MYBPC1: variants seen among roughly 807,000 people sequenced by gnomAD.
The protein encoded by MYBPC1 is myosin binding protein C1, also known as myosin-binding protein C, slow-type.
Under a neutral mutation model 147.1 loss-of-function variants are expected in MYBPC1, and 52 were observed. The observed-to-expected ratio is 0.35, with a 90% confidence interval of 0.28 to 0.45. MYBPC1 has a LOEUF of 0.45. Among genes scored for constraint, MYBPC1 ranks in the 20% least tolerant of loss-of-function variants. The pLI is 1.00. For missense variants in MYBPC1, 1,228 were observed against 1,440.3 expected (o/e 0.85, Z 2.39); for synonymous variants, 477 against 475.9 (o/e 1.00, Z -0.03).
chr12:101,634,803 T>C (rs1333173032), intron 9 of MYBPC1, among the ~76,000 whole-genome samples, 198 bp downstream of exon 9: 1 of 152,240 alleles, frequency 6.6e-6, no homozygotes, highest in Admixed American at 6.5e-5. Flanking sequence ...TGACCATTTT[T>C]TAGAATGTTC....
At chr12:101,595,410 G>T (rs1229331237) in intron 1 of MYBPC1, among the ~76,000 whole-genome samples, 1 of 152,062 alleles carries the variant, frequency 6.6e-6, no homozygotes, top group South Asian at 2.1e-4. Flanking sequence ...AACAGATTAC[G>T]TTTTCAAGCA....
chr12:101,670,523 G>A, intron 24 of MYBPC1, 114 bp downstream of exon 24: 1 of 902,676 alleles, frequency 1.1e-6, no homozygotes, highest in Non-Finnish European at 1.9e-6. Flanking sequence ...CTCAGAGGGA[G>A]AGGAGGTAAA....
At chr12:101,596,870 G>A (rs1877451370) in intron 1 of MYBPC1, among the ~76,000 whole-genome samples, 1 of 152,100 alleles carries the variant, frequency 6.6e-6, no homozygotes, top group South Asian at 2.1e-4. Context: ...TTCTGTGTAG[G>A]AGTTCCTCCA....
intron 2 of MYBPC1, among the ~76,000 whole-genome samples, chr12:101,615,288 A>G (rs779907095): frequency 4.9e-4 from 74 of 152,314 alleles, no homozygotes; most frequent in Non-Finnish European, 7.6e-4. Flanking sequence ...TATCAGCCAA[A>G]TAGCCCCAAG....
intron 3 of MYBPC1, among the ~76,000 whole-genome samples, chr12:101,619,211 C>T (rs775120866): frequency 7.9e-5 from 12 of 152,078 alleles, no homozygotes; most frequent in Non-Finnish European, 1.6e-4. Flanking sequence ...TCCCTCCCTC[C>T]TCCAACTGTC....
chr12:101,603,345 CAA>C (rs111935505), intron 1 of MYBPC1, among the ~76,000 whole-genome samples: 9 of 127,870 alleles, frequency 7.0e-5, no homozygotes, highest in Non-Finnish European at 5.1e-5. Context: ...AACTCCGTCT[CAA>C]AAAAAAAAAA....
intron 22 of MYBPC1, 71 bp from the exon 23 acceptor site, chr12:101,667,661 G>A (rs995091403): frequency 1.3e-6 from 2 of 1,559,214 alleles, no homozygotes; most frequent in Non-Finnish European, 1.8e-6. Context: ...GGAGTTGACT[G>A]TAATGGTTAA....
Position 101,633,520 on chromosome 12 carries a change from C to G in MYBPC1, c.557-1034C>G, listed in dbSNP as rs545451691. On this transcript the variant is annotated intron_variant, in intron 8 of 31. Transcript: ENST00000361466. ...TGGCCAACATGGTGAAACCCCGTCT[C>G]TACTAGAAATACAAAAATTAGCCAG... 5.3e-5 allele frequency among the ~76,000 whole-genome samples: 8 copies of G among 151,996 alleles called. No individual in the cohort carries two copies. The South Asian group carries it at 1.7e-3, about 32-fold the overall frequency.
chr12:101,654,215 T>G (rs370310468), intron 18 of MYBPC1, among the ~76,000 whole-genome samples: 10 of 152,084 alleles, frequency 6.6e-5, no homozygotes, highest in African/African-American at 2.2e-4. Flanking sequence ...CAAAACAAAT[T>G]TTTTTAATGT....
chr12:101,631,834 G>A, intron 7 of MYBPC1, 115 bp downstream of exon 7: 1 of 1,500,496 alleles, frequency 6.7e-7, no homozygotes, highest in Non-Finnish European at 9.2e-7. Flanking sequence ...ATCCTCTGAA[G>A]TTACCATTGC....
At chr12:101,602,919 T>C (rs903079582) in intron 1 of MYBPC1, among the ~76,000 whole-genome samples, 4 of 152,196 alleles carry the variant, frequency 2.6e-5, no homozygotes, top group Non-Finnish European at 5.9e-5. Context: ...GTGATAACGG[T>C]TGGGTTGTTT....
intron 28 of MYBPC1, among the ~76,000 whole-genome samples, chr12:101,678,661 A>G (rs1900645701): frequency 6.6e-6 from 1 of 152,250 alleles, no homozygotes; most frequent in Non-Finnish European, 1.5e-5. Context: ...TGCTTTGATA[A>G]GGGTACAGTG....
intron 1 of MYBPC1, among the ~76,000 whole-genome samples, chr12:101,599,727 G>T (rs1352946021): frequency 6.6e-6 from 1 of 152,262 alleles, no homozygotes; most frequent in African/African-American, 2.4e-5. Context: ...AAGGGCAATT[G>T]TTTCCCTTTT....
rs76149395 is a variant in MYBPC1, at chr12:101,652,818, G to A, written c.1633+34G>A. The A allele has an allele frequency of 1.3e-3, 2,003 of 1,524,832 alleles. 28 individuals are homozygous for A. In the African/African-American group the frequency reaches 0.024, roughly 18 times the overall value. 94.5% of individuals were successfully genotyped at this position (1,524,832 alleles called of 1,614,324 possible). On this transcript the variant is annotated intron_variant, in intron 17 of 31. Coordinates refer to ENST00000361466, the MANE Select transcript of MYBPC1 (RefSeq NM_002465.4). ...ATAAAATAATTCATTGCATAGTTGT[G>A]TTCTTTTTTGTTTGCTTTTGCTTAC...
In MYBPC1 at chr12:101,609,299, A is replaced by T. The variant is rs190365839; in HGVS notation, c.26-5197A>T. On this transcript the variant is annotated intron_variant, in intron 1 of 31. Transcript: ENST00000361466. ...TTTTTAGTTTTAAAATTAAAAAAAA[A>T]TTTTTTTCTGGAGATGGGGTCTTGC... is the stretch of plus-strand genomic sequence containing the variant. 2.8e-3 allele frequency among the ~76,000 whole-genome samples: 418 copies of T among 151,768 alleles called. 6 individuals are homozygous for T. Among genetic ancestry groups the T allele is most frequent in the Admixed American group, 0.023 (353 of 15,218 alleles).
intron 1 of MYBPC1, among the ~76,000 whole-genome samples, chr12:101,596,232 C>G (rs780739853): frequency 2.6e-5 from 4 of 152,188 alleles, no homozygotes; most frequent in African/African-American, 9.6e-5. Flanking sequence ...TGTTGACAGG[C>G]TGTGGTGATC....
intron 11 of MYBPC1, 68 bp downstream of exon 11, chr12:101,642,653 C>A: frequency 6.6e-7 from 1 of 1,522,806 alleles, no homozygotes; most frequent in South Asian, 1.2e-5. Flanking sequence ...TGACCGTGAA[C>A]CCCATCCCGA....
At chr12:101,614,658 GGTGACCATT>G in intron 2 of MYBPC1, 127 bp downstream of exon 2, 1 of 888,716 alleles carries the variant, frequency 1.1e-6, no homozygotes, top group Non-Finnish European at 1.8e-6. Context: ...GAAGTTGGAT[GGTGACCATT>G]GTGATAAGTT....
In MYBPC1 at chr12:101,652,525, CCT is replaced by C. The variant is rs72257829; in HGVS notation, c.1527-134_1527-133del. Among the ~76,000 whole-genome samples, 2,546 of 148,986 alleles carry C rather than the reference CCT, an allele frequency of 0.017. 56 individuals are homozygous for C. The highest frequency in any genetic ancestry group is 0.058 in the African/African-American group (2,362 of 40,666). ...AAGTAGGATAATTAAGGCTTCTCAT[CCT>C]CTCTCTCTCTCTCTCTCTTTCTCTC... On this transcript the variant is annotated intron_variant, in intron 16 of 31. Transcript: ENST00000361466.
Sources: gnomAD v4.1 joint callset for allele counts (sites outside exome capture counted in the v4.1 genomes callset) on GRCh38, gnomAD v4.1.1 for gene constraint, MANE v1.5 for transcripts, NCBI Gene and HGNC (gene_info 2026-07-23, HGNC 2026-07-21) for gene names.